Variants in ACSS3 observed in about 807,000 individuals in gnomAD.
The protein encoded by ACSS3 is acyl-CoA synthetase short chain family member 3.
In ACSS3, 64 loss-of-function variants were observed where a neutral mutation model predicts 84.2. The observed-to-expected ratio is 0.76, with a 90% CI of 0.62 to 0.94. The LOEUF (loss-of-function observed/expected upper bound fraction) is 0.94, where lower values mean the gene tolerates loss of function less well. Ranked by LOEUF, ACSS3 falls within the 40% of genes least tolerant of loss-of-function variation. The pLI is 0.00. For missense variants in ACSS3, 815 were observed against 867.6 expected, an observed-to-expected ratio of 0.94 and a Z score of 0.76; for synonymous variants, 317 against 310.1, an observed-to-expected ratio of 1.02 and a Z score of -0.23.
chr12:81,100,423 G>T (rs1442424395), intron 1 of ACSS3, among the ~76,000 whole-genome samples: 1 of 152,102 alleles, frequency 6.6e-6, no homozygotes, highest in Non-Finnish European at 1.5e-5. Context: ...TGATGAAGGT[G>T]CATCTTTGAC....
intron 7 of ACSS3, among the ~76,000 whole-genome samples, chr12:81,165,582 T>C (rs1469105879): frequency 4.0e-5 from 6 of 151,754 alleles, no homozygotes; most frequent in African/African-American, 1.4e-4. Flanking sequence ...GGAGGTGGAG[T>C]TCGCAGTGAA....
chr12:81,251,259 T>C (rs911290225), intron 13 of ACSS3, among the ~76,000 whole-genome samples: 2 of 152,104 alleles, frequency 1.3e-5, no homozygotes, highest in African/African-American at 4.8e-5. Context: ...CAGGGAGTAT[T>C]TGGGTCAGTA....
At chr12:81,136,391 G>A (rs973593991) in intron 3 of ACSS3, among the ~76,000 whole-genome samples, 1 of 152,070 alleles carries the variant, frequency 6.6e-6, no homozygotes, top group Admixed American at 6.6e-5. Flanking sequence ...TACATGATAG[G>A]TGTGCATTTT....
chr12:81,251,666 T>TAGAAAAAAAA (rs1423342468), intron 13 of ACSS3, among the ~76,000 whole-genome samples: 1 of 21,828 alleles, frequency 4.6e-5, no homozygotes. Context: ...ACCCCATCTC[T>TAGAAAAAAAA]ACAAAAAAAA....
chr12:81,190,384 A>G (rs1285251137), intron 8 of ACSS3, among the ~76,000 whole-genome samples: 2 of 152,016 alleles, frequency 1.3e-5, no homozygotes, highest in Admixed American at 1.3e-4. Flanking sequence ...TTTTTATGCT[A>G]TGGTCAATGG....
Position 81,259,287 on chromosome 12 carries a change from T to A in ACSS3, c.*4365T>A. On this transcript the variant is annotated 3_prime_UTR_variant, in exon 16 of 16. Coordinates refer to ENST00000548058, the MANE Select transcript of ACSS3 (RefSeq NM_024560.4). The stretch of plus-strand genomic sequence containing the variant: ...GAGACTCCATGAACCATATATTTTA[T>A]TTTTTAAAAAATCATATTTATATCC... 2.7e-6 allele frequency: 1 copy of A among 364,092 alleles called. No homozygotes were observed. The highest frequency in any genetic ancestry group is 5.2e-6 in the Non-Finnish European group (1 of 193,230). The allele number at this position is 364,092 out of a possible 1,614,324, so 22.6% of individuals were successfully genotyped here.
At chr12:81,199,219 T>C in intron 8 of ACSS3, 122 bp from the exon 9 acceptor site, 1 of 772,632 alleles carries the variant, frequency 1.3e-6, no homozygotes, top group Admixed American at 2.8e-5. Context: ...GTGTGATGTA[T>C]TGGTTATATT....
intron 8 of ACSS3, among the ~76,000 whole-genome samples, chr12:81,191,420 T>G (rs1453794761): frequency 6.6e-6 from 1 of 152,126 alleles, no homozygotes; most frequent in East Asian, 1.9e-4. Context: ...CTCTTACTGG[T>G]TTTGGTTTCA....
chr12:81,132,115 T>A (rs1565995831), intron 2 of ACSS3, among the ~76,000 whole-genome samples: 1 of 152,196 alleles, frequency 6.6e-6, no homozygotes, highest in Non-Finnish European at 1.5e-5. Context: ...CTGCCAGGCT[T>A]TGGTATCAGG....
Position 81,258,042 on chromosome 12 carries a change from C to CA in ACSS3, c.*3121dup, listed in dbSNP as rs1376062315. Reference sequence around the variant, plus strand: ...TTTCATTTCTATGAATCAAGATGCCCATGTTTAGATGAGCTTAGAAAGCTA... The same window carrying CA: ...TTTCATTTCTATGAATCAAGATGCCCAATGTTTAGATGAGCTTAGAAAGCTA... On this transcript the variant is annotated 3_prime_UTR_variant, in exon 16 of 16. Transcript: ENST00000548058. 1 of 151,954 alleles carries CA rather than the reference C, an allele frequency of 6.6e-6. No homozygotes were observed. The highest frequency in any genetic ancestry group is 6.6e-5 in the Admixed American group (1 of 15,236). 9.4% of individuals were successfully genotyped at this position (151,954 alleles called of 1,614,324 possible).
rs368309477 is a variant in ACSS3, at chr12:81,143,235, G to A, written c.909G>A (p.Thr303=). The part of the protein sequence containing the change: ...PLYILYTSGT[T]GLPKGVIRPT... ...ATATTCTTTACACATCTGGCACAAC[G>A]GGGTTACCTAAGGTACTCACTCTCT... The change falls in exon 5 of 16, where the codon ACG becomes ACA. Residue 303 remains threonine (T), a synonymous_variant. Transcript: ENST00000548058. 5.0e-6 allele frequency: 8 copies of A among 1,596,520 alleles called. No individual in the cohort carries two copies. Among genetic ancestry groups the A allele is most frequent in the South Asian group, 2.3e-5 (2 of 88,642 alleles).
At chr12:81,207,358 A>C (rs138712395) in intron 9 of ACSS3, among the ~76,000 whole-genome samples, 2 of 152,154 alleles carry the variant, frequency 1.3e-5, no homozygotes, top group Non-Finnish European at 2.9e-5. Flanking sequence ...GCAGGTGGCT[A>C]TTCTCCTTGG....
intron 1 of ACSS3, among the ~76,000 whole-genome samples, chr12:81,083,217 A>C (rs1203638905): frequency 1.3e-5 from 2 of 152,176 alleles, no homozygotes; most frequent in East Asian, 1.9e-4. Flanking sequence ...AGGCATTTGC[A>C]TTTACTTCTT....
intron 9 of ACSS3, among the ~76,000 whole-genome samples, chr12:81,203,452 A>G (rs1246808334): frequency 6.6e-6 from 1 of 152,182 alleles, no homozygotes; most frequent in African/African-American, 2.4e-5. Context: ...ACACATTATT[A>G]TTGTTGCTCT....
chr12:81,161,293 T>C (rs1366451008), intron 7 of ACSS3, among the ~76,000 whole-genome samples: 1 of 152,120 alleles, frequency 6.6e-6, no homozygotes, highest in Non-Finnish European at 1.5e-5. Flanking sequence ...ACTACGAATT[T>C]TGAAGAATGA....
intron 9 of ACSS3, among the ~76,000 whole-genome samples, chr12:81,214,567 T>A (rs1296298259): frequency 3.9e-5 from 6 of 152,164 alleles, no homozygotes; most frequent in Admixed American, 3.9e-4. Context: ...TATAAATAAA[T>A]AATTACTATA....
rs1198901515 is a variant in ACSS3 at position 81,078,246 on chromosome 12, G to A, written c.126G>A (p.Pro42=). Residue 42 remains proline (P), a synonymous_variant, in exon 1 of 16, where the codon CCG becomes CCA. Coordinates refer to ENST00000548058, the MANE Select transcript of ACSS3 (RefSeq NM_024560.4). ...TCAGGGCTTTAGTGGTCCCGGGCCC[G>A]CGGGGCGGTCTCGGGGGCCGGGGAT... ...AALRALVVPG[P]RGGLGGRGCR... The A allele has an allele frequency of 6.2e-6, 10 of 1,606,890 alleles. No individual in the cohort carries two copies. Among genetic ancestry groups the A allele is most frequent in the African/African-American group, 5.4e-5 (4 of 74,758 alleles).
At chr12:81,114,496 A>T (rs553933368) in intron 2 of ACSS3, among the ~76,000 whole-genome samples, 107 of 152,280 alleles carry the variant, frequency 7.0e-4, no homozygotes, top group African/African-American at 2.5e-3. Context: ...CTTAAGACAC[A>T]AAAACCAGGA....
chr12:81,156,765 C>T (rs151090374), intron 7 of ACSS3, among the ~76,000 whole-genome samples: 130 of 152,198 alleles, frequency 8.5e-4, no homozygotes, highest in African/African-American at 2.9e-3. Context: ...ACTAGAATAG[C>T]CTTATTACTA....
Sources: allele counts gnomAD v4.1 joint callset (sites outside exome capture counted in the v4.1 genomes callset), GRCh38; gene constraint gnomAD v4.1.1; transcripts MANE v1.5; gene names NCBI Gene and HGNC (gene_info 2026-07-23, HGNC 2026-07-21).